Variants in TBC1D22A observed in about 807,000 individuals in gnomAD.
TBC1D22A encodes the protein TBC1 domain family member 22A, also known as putative GTPase activator.
Under a neutral mutation model 60.2 loss-of-function variants are expected in TBC1D22A, and 38 were observed. The observed-to-expected ratio is 0.63, with a 90% CI of 0.49 to 0.83. The LOEUF (loss-of-function observed/expected upper bound fraction) is 0.83, where lower values mean the gene tolerates loss of function less well. Among genes scored for constraint, TBC1D22A ranks in the 40% least tolerant of loss-of-function variants. The pLI is 0.00. For missense variants in TBC1D22A, 628 were observed against 701.0 expected, an observed-to-expected ratio of 0.90 and a Z score of 1.18; for synonymous variants, 302 against 281.7, an observed-to-expected ratio of 1.07 and a Z score of -0.72.
In TBC1D22A at chr22:47,031,630, C is replaced by T. The variant is rs191792405; in HGVS notation, c.1202-5441C>T. Reference sequence around the variant, plus strand: ...ATGCTCAGCTCTGGTGGTGTGGGGTCGTTTCAAGGGGACAGAGTGGTGGCA... The same window carrying T: ...ATGCTCAGCTCTGGTGGTGTGGGGTTGTTTCAAGGGGACAGAGTGGTGGCA... On this transcript the variant is annotated intron_variant, in intron 10 of 12. Transcript: ENST00000337137. Among the ~76,000 whole-genome samples, 194 of 151,876 alleles carry T rather than the reference C, an allele frequency of 1.3e-3. 1 individual carries two copies. Among genetic ancestry groups the T allele is most frequent in the Admixed American group, 0.011 (170 of 15,274 alleles).
intron 4 of TBC1D22A, among the ~76,000 whole-genome samples, chr22:46,805,688 C>G (rs972416593): frequency 3.9e-5 from 6 of 152,114 alleles, no homozygotes; most frequent in Non-Finnish European, 8.8e-5. Flanking sequence ...ACTTTCAAAC[C>G]GGGATTCTGG....
chr22:46,880,419 T>G (rs547874378), intron 5 of TBC1D22A, among the ~76,000 whole-genome samples: 7 of 152,328 alleles, frequency 4.6e-5, no homozygotes, highest in Non-Finnish European at 1.0e-4. Context: ...TTTTTTATAG[T>G]GATCTTGGGG....
At chr22:47,088,475 C>G (rs2064791420) in intron 11 of TBC1D22A, among the ~76,000 whole-genome samples, 1 of 152,190 alleles carries the variant, frequency 6.6e-6, no homozygotes, top group African/African-American at 2.4e-5. Context: ...ATGTTAAAGT[C>G]TATGAATTCA....
intron 8 of TBC1D22A, among the ~76,000 whole-genome samples, chr22:46,953,744 C>T (rs534798249): frequency 6.6e-5 from 10 of 152,126 alleles, no homozygotes; most frequent in Non-Finnish European, 1.3e-4. Context: ...ATCTTTGGTC[C>T]ATGGCTTAGG....
At chr22:47,100,152 G>T (rs1413727211) in intron 11 of TBC1D22A, among the ~76,000 whole-genome samples, 2 of 152,222 alleles carry the variant, frequency 1.3e-5, no homozygotes, top group Non-Finnish European at 2.9e-5. Context: ...CTGCAGGCCG[G>T]TCCTGGCTTG....
intron 12 of TBC1D22A, among the ~76,000 whole-genome samples, chr22:47,133,034 G>A (rs1439074199): frequency 6.6e-6 from 1 of 152,134 alleles, no homozygotes; most frequent in Non-Finnish European, 1.5e-5. Flanking sequence ...ATTGAGATAT[G>A]GAAAAAAAGG....
At chr22:47,071,847 G>A (rs1215181520) in intron 11 of TBC1D22A, among the ~76,000 whole-genome samples, 3 of 152,150 alleles carry the variant, frequency 2.0e-5, no homozygotes, top group African/African-American at 7.2e-5. Flanking sequence ...GGAGTGGAGA[G>A]ACAGTTTCTG....
At chr22:46,909,808 G>C (rs1201930534) in intron 7 of TBC1D22A, among the ~76,000 whole-genome samples, 1 of 152,152 alleles carries the variant, frequency 6.6e-6, no homozygotes, top group African/African-American at 2.4e-5. Flanking sequence ...GACCCAGCCT[G>C]CCTGTCTTCT....
intron 4 of TBC1D22A, among the ~76,000 whole-genome samples, chr22:46,837,335 C>T (rs2086567930): frequency 6.6e-6 from 1 of 152,262 alleles, no homozygotes; most frequent in Non-Finnish European, 1.5e-5. Flanking sequence ...ATGGATCAAT[C>T]ATCCAGACAG....
chr22:47,151,968 C>T (rs1452396900), intron 12 of TBC1D22A, among the ~76,000 whole-genome samples: 2 of 152,162 alleles, frequency 1.3e-5, no homozygotes, highest in East Asian at 1.9e-4. Context: ...TGCAGAGGGC[C>T]GTGTGCATAG....
chr22:47,164,244 G>A (rs1368497895), intron 12 of TBC1D22A, among the ~76,000 whole-genome samples: 1 of 152,240 alleles, frequency 6.6e-6, no homozygotes, highest in African/African-American at 2.4e-5. Flanking sequence ...CACACACTCT[G>A]CCGGCTCCTT....
chr22:46,790,735 GGT>G (rs1393637128), intron 1 of TBC1D22A, among the ~76,000 whole-genome samples: 4 of 152,184 alleles, frequency 2.6e-5, no homozygotes, highest in Non-Finnish European at 5.9e-5. Flanking sequence ...AATGAGCAGT[GGT>G]GTGTGGTGTT....
chr22:46,851,304 C>T (rs939818702), intron 4 of TBC1D22A, among the ~76,000 whole-genome samples: 3 of 152,212 alleles, frequency 2.0e-5, no homozygotes, highest in Admixed American at 6.5e-5. Context: ...CGACTTTCAC[C>T]GTATTCCTAC....
chr22:46,964,757 C>T (rs568798199), intron 8 of TBC1D22A, among the ~76,000 whole-genome samples: 2 of 152,240 alleles, frequency 1.3e-5, no homozygotes, highest in South Asian at 2.1e-4. Context: ...TGAAATGTAT[C>T]GGTTCTGGAT....
chr22:47,014,947 G>A (rs577525331), intron 10 of TBC1D22A, among the ~76,000 whole-genome samples: 3 of 152,276 alleles, frequency 2.0e-5, no homozygotes, highest in East Asian at 1.9e-4. Context: ...GTGACTGAGG[G>A]CCCCAAGGGG....
At chr22:47,063,424 C>T (rs906278413) in intron 11 of TBC1D22A, among the ~76,000 whole-genome samples, 10 of 152,160 alleles carry the variant, frequency 6.6e-5, no homozygotes, top group South Asian at 2.1e-4. Flanking sequence ...AGGGAGGCCT[C>T]GTCTGGGTGA....
intron 4 of TBC1D22A, among the ~76,000 whole-genome samples, chr22:46,806,514 T>A (rs182658637): frequency 0.018 from 2,734 of 149,734 alleles, 80 homozygotes; most frequent in African/African-American, 0.063. Context: ...TTATTAAAAA[T>A]TTTTAAATTT....
At chr22:47,140,347 G>A (rs940963622) in intron 12 of TBC1D22A, among the ~76,000 whole-genome samples, 11 of 151,656 alleles carry the variant, frequency 7.3e-5, no homozygotes, top group African/African-American at 2.4e-4. Context: ...TGAGGTGGGC[G>A]GATCACGAGG....
chr22:46,787,993 G>C (rs973680822), intron 1 of TBC1D22A, among the ~76,000 whole-genome samples: 1 of 149,076 alleles, frequency 6.7e-6, no homozygotes, highest in Non-Finnish European at 1.5e-5. Flanking sequence ...TTGGAGTGCA[G>C]GGGCGTGATC....
Sources: allele counts gnomAD v4.1 joint callset (sites outside exome capture counted in the v4.1 genomes callset), GRCh38; gene constraint gnomAD v4.1.1; transcripts MANE v1.5; gene names NCBI Gene and HGNC (gene_info 2026-07-23, HGNC 2026-07-21).